The following UGT3A2 variants were observed in gnomAD, a reference collection of about 807,000 sequenced individuals.
UGT3A2 encodes the protein UDP glycosyltransferase family 3 member A2.
In UGT3A2, 32 loss-of-function variants were observed where a neutral mutation model predicts 39.8. The observed-to-expected ratio is 0.80, with a 90% CI of 0.61 to 1.08. The LOEUF (loss-of-function observed/expected upper bound fraction) is 1.08. Ranked by LOEUF, UGT3A2 falls within the 50% of genes least tolerant of loss-of-function variation. UGT3A2 has a pLI of 0.00. For missense variants in UGT3A2, 611 were observed against 637.1 expected (o/e 0.96, Z 0.44); for synonymous variants, 241 against 230.7 (o/e 1.04, Z -0.40).
chr5:36,059,545 G>A (rs1424971127), intron 2 of UGT3A2, among the ~76,000 whole-genome samples: 1 of 152,092 alleles, frequency 6.6e-6, no homozygotes, highest in Non-Finnish European at 1.5e-5. Flanking sequence ...GGCTTTCGTG[G>A]ATTGTAAACA....
Position 36,035,864 on chromosome 5 carries a change from G to T in UGT3A2, c.1406C>A (p.Thr469Lys), listed in dbSNP as rs199567567. 6.2e-7 allele frequency: 1 copy of T among 1,614,170 alleles called. No homozygotes were observed. Among genetic ancestry groups the T allele is most frequent in the Non-Finnish European group, 8.5e-7 (1 of 1,180,028 alleles). Residue 469 changes from threonine (T) to lysine (K), a missense_variant, in exon 7 of 7, where the codon ACG becomes AAG. Thr to Lys is a moderately conservative substitution (Grantham distance 78, BLOSUM62 -1). Coordinates refer to ENST00000282507, the MANE Select transcript of UGT3A2 (RefSeq NM_174914.4). The part of the protein sequence containing the change: ...IDHVLQTGGA[T>K]HLKPYVFQQP... ...CTGAAAGACATAGGGCTTGAGGTGC[G>T]TCGCGCCCCCTGTCTGGAGGACGTG...
intron 3 of UGT3A2, among the ~76,000 whole-genome samples, chr5:36,050,802 C>T (rs1008842112): frequency 4.0e-5 from 6 of 150,318 alleles, no homozygotes; most frequent in Admixed American, 3.3e-4. Context: ...GCAGAGGTTG[C>T]AGTGAGCTGA....
chr5:36,051,746 CCAT>C, intron 3 of UGT3A2, 121 bp downstream of exon 3: 1 of 729,272 alleles, frequency 1.4e-6, no homozygotes, highest in Non-Finnish European at 2.3e-6. Context: ...GTCCATCCAT[CCAT>C]CCATCCATCC....
At chr5:36,055,517 C>T (rs1742483618) in intron 2 of UGT3A2, among the ~76,000 whole-genome samples, 1 of 152,134 alleles carries the variant, frequency 6.6e-6, no homozygotes, top group Admixed American at 6.5e-5. Flanking sequence ...CAGGTGTGAG[C>T]CACTGTGCCC....
At chr5:36,059,379 T>TC (rs1742615316) in intron 2 of UGT3A2, among the ~76,000 whole-genome samples, 1 of 150,912 alleles carries the variant, frequency 6.6e-6, no homozygotes, top group African/African-American at 2.4e-5. Flanking sequence ...TTTTTTTTTT[T>TC]TGGAGTTTGG....
In UGT3A2 at chr5:36,035,343, CAG is replaced by C. The variant is rs1580991730; in HGVS notation, c.*353_*354del. The C allele has an allele frequency of 3.5e-6, 1 of 284,490 alleles. No individual in the cohort carries two copies. The highest frequency in any genetic ancestry group is 7.8e-5 in the East Asian group (1 of 12,878). The allele number at this position is 284,490 out of a possible 1,614,324, so 17.6% of individuals were successfully genotyped here. A position where few individuals can be genotyped will look rare whatever the true frequency, so the allele number is the denominator to read the frequency against. ...GTCTGGACATGGAGGCTGGAAGAGT[CAG>C]GGTGTGATTCGGAGAGGCGCATGAG... is the stretch of plus-strand genomic sequence containing the variant. On this transcript the variant is annotated 3_prime_UTR_variant, in exon 7 of 7. Transcript: ENST00000282507.
At chr5:36,047,345 T>C (rs1487218569) in intron 4 of UGT3A2, among the ~76,000 whole-genome samples, 1 of 152,248 alleles carries the variant, frequency 6.6e-6, no homozygotes, top group East Asian at 1.9e-4. Context: ...GTTTCTAAAT[T>C]GGTGAGACCA....
chr5:36,057,267 A>G (rs866315980), intron 2 of UGT3A2, among the ~76,000 whole-genome samples: 23 of 152,358 alleles, frequency 1.5e-4, no homozygotes, highest in African/African-American at 4.6e-4. Flanking sequence ...TGGGCATCTG[A>G]TCAGAAATAA....
At chr5:36,048,712 C>A (rs546242322) in intron 4 of UGT3A2, among the ~76,000 whole-genome samples, 177 bp downstream of exon 4, 1 of 152,214 alleles carries the variant, frequency 6.6e-6, no homozygotes, top group African/African-American at 2.4e-5. Context: ...TGGTGCAAGG[C>A]CTAACATTAT....
chr5:36,035,970 T>C lies in UGT3A2; in HGVS notation c.1300A>G (p.Lys434Glu). The change falls in exon 7 of 7, where the codon AAG becomes GAG. Residue 434 changes from lysine (K) to glutamate (E), a missense_variant. Physicochemically the swap from Lys to Glu is moderately conservative, Grantham distance 56. Coordinates refer to ENST00000282507, the MANE Select transcript of UGT3A2 (RefSeq NM_174914.4). ...ACACTGGCAGCCACTGCCGCGGACT[T>C]GTATCTGTTGAGAGAGATAGAGAGG... is the stretch of plus-strand genomic sequence containing the variant. ...MKQIMEDKRYKSAAVAASVIL... is the reference protein window; with the variant it reads ...MKQIMEDKRYESAAVAASVIL... The C allele has an allele frequency of 6.2e-7, 1 of 1,613,514 alleles. No individual in the cohort carries two copies. Among genetic ancestry groups the C allele is most frequent in the Non-Finnish European group, 8.5e-7 (1 of 1,179,522 alleles).
chr5:36,061,012 GCCAGGCGTGGTGCC>G (rs1189400767), intron 2 of UGT3A2, among the ~76,000 whole-genome samples: 1 of 152,038 alleles, frequency 6.6e-6, no homozygotes, highest in Non-Finnish European at 1.5e-5. Context: ...AAAAAAATTA[GCCAGGCGTGGTGCC>G]CCACGCCTAA....
intron 4 of UGT3A2, among the ~76,000 whole-genome samples, chr5:36,044,737 A>G (rs1301166767): frequency 6.9e-6 from 1 of 144,386 alleles, no homozygotes; most frequent in African/African-American, 2.4e-5. Context: ...TACAATGCCC[A>G]CAAACAAAAT....
intron 6 of UGT3A2, 48 bp from the exon 7 acceptor site, chr5:36,036,022 A>G (rs922364468): frequency 4.4e-6 from 7 of 1,593,294 alleles, no homozygotes; most frequent in Non-Finnish European, 6.0e-6. Context: ...ACCTCACAAG[A>G]GTTAGAATGT....
chr5:36,035,860 G>A lies in UGT3A2; in HGVS notation c.1410C>T (p.His470=). 6.2e-7 allele frequency: 1 copy of A among 1,614,192 alleles called. No homozygotes were observed. Among genetic ancestry groups the A allele is most frequent in the Non-Finnish European group, 8.5e-7 (1 of 1,180,036 alleles). Residue 470 remains histidine (H), a synonymous_variant, in exon 7 of 7, where the codon CAC becomes CAT. Coordinates refer to ENST00000282507, the MANE Select transcript of UGT3A2 (RefSeq NM_174914.4). The stretch of plus-strand genomic sequence containing the variant: ...GCTGCTGAAAGACATAGGGCTTGAG[G>A]TGCGTCGCGCCCCCTGTCTGGAGGA... ...DHVLQTGGAT[H]LKPYVFQQPW...
chr5:36,062,547 A>G (rs2111776108), intron 2 of UGT3A2, among the ~76,000 whole-genome samples: 1 of 151,636 alleles, frequency 6.6e-6, no homozygotes, highest in South Asian at 2.1e-4. Flanking sequence ...AAGATCAGAT[A>G]GTTGTAGATA....
At chr5:36,037,487 T>C (rs1346014645) in intron 6 of UGT3A2, among the ~76,000 whole-genome samples, 1 of 151,978 alleles carries the variant, frequency 6.6e-6, no homozygotes, top group Non-Finnish European at 1.5e-5. Flanking sequence ...CCTGCCTCAG[T>C]TGGAATCCCG....
chr5:36,049,315 G>C lies in UGT3A2; in HGVS notation c.417C>G (p.Phe139Leu), dbSNP rs765252565. The change falls in exon 4 of 7, where the codon TTC becomes TTG. Residue 139 changes from phenylalanine (F) to leucine (L), a missense_variant. Coordinates refer to ENST00000282507, the MANE Select transcript of UGT3A2 (RefSeq NM_174914.4). Reference protein sequence around the residue: ...DIMDSLKNENFDMVIVETFDY... With the variant: ...DIMDSLKNENLDMVIVETFDY... ...CAAAAGTTTCAACTATCACCATGTC[G>C]AAGTTCTCATTCTTTAAGGAATCCA... 2 of 1,613,942 alleles carry C rather than the reference G, an allele frequency of 1.2e-6. No individual in the cohort carries two copies. The highest frequency in any genetic ancestry group is 1.7e-5 in the Admixed American group (1 of 59,972).
chr5:36,049,239 T>C lies in UGT3A2; in HGVS notation c.493A>G (p.Ile165Val), dbSNP rs781715759. The change falls in exon 4 of 7, where the codon ATT (isoleucine) becomes GTT (valine). Residue 165 changes from isoleucine (I) to valine (V), a missense_variant. Transcript: ENST00000282507. ...AAAGAGCCGAATGAAGTGGAAAGAA[T>C]GGCCACAAATGGCTTCCCAAGCTTC... is the stretch of plus-strand genomic sequence containing the variant. ...AEKLGKPFVA[I>V]LSTSFGSLEF... The C allele has an allele frequency of 3.7e-6, 6 of 1,614,100 alleles. No homozygotes were observed. Among genetic ancestry groups the C allele is most frequent in the Non-Finnish European group, 5.1e-6 (6 of 1,179,962 alleles).
chr5:36,049,715 G>C (rs577393224), intron 3 of UGT3A2, among the ~76,000 whole-genome samples: 1 of 152,230 alleles, frequency 6.6e-6, no homozygotes, highest in Non-Finnish European at 1.5e-5. Flanking sequence ...CAGAGCAGCA[G>C]ATCTCAGAGT....
Sources: allele counts gnomAD v4.1 joint callset (sites outside exome capture counted in the v4.1 genomes callset), GRCh38; gene constraint gnomAD v4.1.1; transcripts MANE v1.5; gene names NCBI Gene and HGNC (gene_info 2026-07-23, HGNC 2026-07-21).